The following DNMT1 variants were observed in gnomAD, a reference collection of about 807,000 sequenced individuals.
The protein encoded by DNMT1 is DNA (cytosine-5)-methyltransferase 1.
Under a neutral mutation model 205.3 loss-of-function variants are expected in DNMT1, and 24 were observed. The observed-to-expected ratio is 0.12, with a 90% CI of 0.08 to 0.16. DNMT1 has a LOEUF of 0.16. Among genes scored for constraint, DNMT1 ranks in the 10% least tolerant of loss-of-function variants. The probability of loss-of-function intolerance (pLI) is 1.00; values close to 1 mark genes in which losing one functional copy is unlikely to be tolerated. For synonymous variants in DNMT1, 817 were observed against 839.8 expected (o/e 0.97, Z 0.47); for missense variants, 1,293 against 2,177.7 (o/e 0.59, Z 8.09).
chr19:10,163,296 C>T (rs2038618503), intron 12 of DNMT1, 30 bp downstream of exon 12: 2 of 1,613,154 alleles, frequency 1.2e-6, no homozygotes, highest in Non-Finnish European at 1.7e-6. Context: ...ATCCAGATGA[C>T]ACAAAAGCAC....
chr19:10,167,050 C>T (rs905142504), intron 10 of DNMT1, among the ~76,000 whole-genome samples: 2 of 152,162 alleles, frequency 1.3e-5, no homozygotes, highest in African/African-American at 4.8e-5. Context: ...CAGTCAGTGA[C>T]CGTGGACAGC....
intron 1 of DNMT1, among the ~76,000 whole-genome samples, chr19:10,192,970 C>A (rs903197159): frequency 6.6e-6 from 1 of 151,960 alleles, no homozygotes; most frequent in Non-Finnish European, 1.5e-5. Flanking sequence ...TCACTTGAAC[C>A]CTGAAAGTGG....
chr19:10,161,329 A>ATAAG (rs1568239496), intron 13 of DNMT1, among the ~76,000 whole-genome samples: 1 of 139,870 alleles, frequency 7.1e-6, no homozygotes, highest in Admixed American at 6.8e-5. Context: ...AAGTAAATAA[A>ATAAG]TAAATAAATA....
rs762347562 is a variant in DNMT1, at chr19:10,180,411, G to A, written c.384C>T (p.Pro128=). 40 of 1,613,904 alleles carry A rather than the reference G, an allele frequency of 2.5e-5. No individual in the cohort carries two copies. Among genetic ancestry groups the A allele is most frequent in the African/African-American group, 4.0e-5 (3 of 74,906 alleles). ...TGCGAGGTTTGGAAAGGGGTTTGGG[G>A]GGGCTGTTGGCATCTGCCATTCCCA... ...RRVGMADANS[P]PKPLSKPRTP... Residue 128 remains proline, a synonymous_variant, in exon 4 of 41, where the codon CCC becomes CCT. Transcript: ENST00000359526.
intron 7 of DNMT1, among the ~76,000 whole-genome samples, chr19:10,174,639 G>A (rs549665828): frequency 4.6e-5 from 7 of 151,732 alleles, no homozygotes; most frequent in Non-Finnish European, 7.4e-5. Flanking sequence ...CCCAGGAGGC[G>A]GAGGTTGCAG....
In DNMT1 at chr19:10,138,341, T is replaced by C; in HGVS notation, c.4115+98A>G. The stretch of plus-strand genomic sequence containing the variant: ...GTGTGGCAGGGCAGATGCTGTACCA[T>C]CCTCTCCTCCCCAAGCCTCACCAGG... On this transcript the variant is annotated intron_variant, in intron 35 of 40. Coordinates refer to ENST00000359526, the MANE Select transcript of DNMT1 (RefSeq NM_001130823.3). This position sits in a 1 kb window ranked among gnomAD's most constrained non-coding sequence, Gnocchi z 4.1. 1 of 1,577,784 alleles carries C rather than the reference T, an allele frequency of 6.3e-7. No individual in the cohort carries two copies. The highest frequency in any genetic ancestry group is 8.6e-7 in the Non-Finnish European group (1 of 1,157,102).
rs183795366 is a variant in DNMT1, at chr19:10,180,343, C to T, written c.445+7G>A. The T allele has an allele frequency of 2.5e-6, 4 of 1,610,236 alleles. No individual in the cohort carries two copies. In the Admixed American group the frequency reaches 6.7e-5, roughly 27 times the overall value. On this transcript the variant is annotated splice_region_variant and intron_variant, in intron 4 of 40. Transcript: ENST00000359526. Reference sequence around the variant, plus strand: ...AATTAAAAATAAAAGGAATCATCTGCTCTTACGCTTAGCCTCTCCATCGGA... The same window carrying T: ...AATTAAAAATAAAAGGAATCATCTGTTCTTACGCTTAGCCTCTCCATCGGA...
rs184268118 is a variant in DNMT1, at chr19:10,190,555, G to T, written c.80+4265C>A. 2.4e-4 allele frequency among the ~76,000 whole-genome samples: 37 copies of T among 152,098 alleles called. No individual in the cohort carries two copies. In the East Asian group the frequency reaches 4.1e-3, roughly 17 times the overall value. On this transcript the variant is annotated intron_variant, in intron 1 of 40. Transcript: ENST00000359526. ...AGGCAGGCGAATCACTTGAGTCCAG[G>T]AGTTCAACACCAGCCTGGCCAACAC...
chr19:10,168,860 C>T (rs542657318), intron 9 of DNMT1, among the ~76,000 whole-genome samples: 226 of 152,264 alleles, frequency 1.5e-3, no homozygotes, highest in African/African-American at 5.2e-3. Flanking sequence ...ATTTATGAGA[C>T]GGAGTCTCAC....
At chr19:10,177,887 C>G (rs564527489) in intron 5 of DNMT1, among the ~76,000 whole-genome samples, 2 of 147,488 alleles carry the variant, frequency 1.4e-5, no homozygotes, top group Admixed American at 6.8e-5. Context: ...GAGCCAAGAT[C>G]GCGCCACTGT....
intron 12 of DNMT1, chr19:10,163,067 CAGT>C: frequency 1.8e-6 from 1 of 560,680 alleles, no homozygotes; most frequent in East Asian, 3.1e-5. Flanking sequence ...TGGCTTCTAG[CAGT>C]TCTGCCTCAG....
intron 1 of DNMT1, among the ~76,000 whole-genome samples, chr19:10,183,448 G>T (rs1318189932): frequency 1.3e-5 from 2 of 152,134 alleles, no homozygotes; most frequent in Admixed American, 1.3e-4. Context: ...GACCAGGCAT[G>T]GTGGCTCACG....
intron 1 of DNMT1, chr19:10,194,599 A>C: frequency 1.9e-6 from 1 of 527,294 alleles, no homozygotes; most frequent in Non-Finnish European, 3.3e-6. Context: ...GCCACCAGGG[A>C]GCTACGGGGG....
chr19:10,152,024 G>A (rs2038352934), intron 22 of DNMT1, among the ~76,000 whole-genome samples, 177 bp from the exon 23 acceptor site: 1 of 151,800 alleles, frequency 6.6e-6, no homozygotes, highest in Middle Eastern at 3.4e-3. Flanking sequence ...GCCAGGCATG[G>A]TAGGGTGTGC....
intron 13 of DNMT1, 99 bp from the exon 14 acceptor site, chr19:10,160,517 A>C (rs1286322413): frequency 1.5e-6 from 2 of 1,360,512 alleles, no homozygotes; most frequent in Non-Finnish European, 2.1e-6. Flanking sequence ...ATTATCATAA[A>C]ACAGAGAGAA....
In DNMT1 at chr19:10,151,706, C is replaced by T; in HGVS notation, c.2117+44G>A. 1 of 1,610,198 alleles carries T rather than the reference C, an allele frequency of 6.2e-7. No individual in the cohort carries two copies. The highest frequency in any genetic ancestry group is 8.5e-7 in the Non-Finnish European group (1 of 1,176,582). On this transcript the variant is annotated intron_variant, in intron 23 of 40. Coordinates refer to ENST00000359526, the MANE Select transcript of DNMT1 (RefSeq NM_001130823.3). The surrounding 1 kb of genome is among the most constrained non-coding windows in gnomAD (Gnocchi z 5.0). ...TTCTCCACAGTGCATCTGCCACCAG[C>T]TGGCAAGTCCTCTGCCACAGGAGGA...
intron 1 of DNMT1, among the ~76,000 whole-genome samples, chr19:10,193,998 T>G (rs1371882215): frequency 6.6e-6 from 1 of 152,090 alleles, no homozygotes; most frequent in Non-Finnish European, 1.5e-5. Context: ...GCCTCCAACA[T>G]TAGACACACA....
chr19:10,157,447 C>T (rs764570622), intron 17 of DNMT1, among the ~76,000 whole-genome samples: 54 of 152,118 alleles, frequency 3.5e-4, no homozygotes, highest in Non-Finnish European at 5.3e-4. Context: ...TTCGGGAGCA[C>T]GTTCTTTAGT....
At chr19:10,134,741 C>T (rs562450659) in intron 39 of DNMT1, among the ~76,000 whole-genome samples, 1 of 151,998 alleles carries the variant, frequency 6.6e-6, no homozygotes, top group South Asian at 2.1e-4. Flanking sequence ...GCCTGTAATC[C>T]CAGCACCTCA....
Sources: allele counts gnomAD v4.1 joint callset (sites outside exome capture counted in the v4.1 genomes callset), GRCh38; gene constraint gnomAD v4.1.1; non-coding constraint Gnocchi (gnomAD v3.1); transcripts MANE v1.5; gene names NCBI Gene and HGNC (gene_info 2026-07-23, HGNC 2026-07-21).